Variants in BPIFA2 observed in about 807,000 individuals in gnomAD.
BPIFA2 encodes the protein BPI fold-containing family A member 2.
A neutral mutation model predicts 25.7 loss-of-function variants in BPIFA2; 20 were observed. The observed-to-expected ratio is 0.78, with a 90% CI of 0.55 to 1.13. The LOEUF (loss-of-function observed/expected upper bound fraction) is 1.13, where lower values mean the gene tolerates loss of function less well. BPIFA2 is among the 50% of genes most tolerant of loss of function. The pLI is 0.00. For missense variants in BPIFA2, 300 were observed against 298.1 expected (o/e 1.01, Z -0.05); for synonymous variants, 126 against 124.3 (o/e 1.01, Z -0.09).
chr20:33,179,307 GT>G, intron 6 of BPIFA2, among the ~76,000 whole-genome samples: 1 of 151,998 alleles, frequency 6.6e-6, no homozygotes, highest in South Asian at 2.1e-4. Context: ...GCATGTGCCT[GT>G]GAACCCAGTT....
chr20:33,180,434 G>C, intron 7 of BPIFA2, 86 bp from the exon 8 acceptor site: 1 of 1,451,142 alleles, frequency 6.9e-7, no homozygotes, highest in Non-Finnish European at 9.7e-7. Flanking sequence ...CAGGTTACCG[G>C]CTGGAGAGCG....
intron 6 of BPIFA2, among the ~76,000 whole-genome samples, chr20:33,178,840 G>C (rs991180512): frequency 3.2e-4 from 49 of 152,162 alleles, no homozygotes; most frequent in Non-Finnish European, 5.1e-4. Context: ...GCCTCAGCTG[G>C]GTGCTTGATA....
chr20:33,165,104 A>G (rs1296366134), upstream of BPIFA2, among the ~76,000 whole-genome samples: 1 of 152,246 alleles, frequency 6.6e-6, no homozygotes, highest in Non-Finnish European at 1.5e-5. Flanking sequence ...AATTACCAAA[A>G]GTTGAATTAA....
intron 2 of BPIFA2, among the ~76,000 whole-genome samples, chr20:33,170,158 ACCT>A (rs1239765866): frequency 2.0e-5 from 3 of 152,196 alleles, no homozygotes; most frequent in Non-Finnish European, 4.4e-5. Flanking sequence ...AACCAAAGTC[ACCT>A]CGTGAATTAT....
intron 7 of BPIFA2, 122 bp from the exon 8 acceptor site, chr20:33,180,398 C>A (rs1386614532): frequency 1.9e-6 from 2 of 1,036,600 alleles, no homozygotes; most frequent in Non-Finnish European, 3.0e-6. Flanking sequence ...AGAGGTGGAG[C>A]AACATCCCTG....
intron 6 of BPIFA2, 99 bp from the exon 7 acceptor site, chr20:33,179,505 C>G: frequency 1.1e-6 from 1 of 916,674 alleles, no homozygotes; most frequent in Admixed American, 1.7e-5. Flanking sequence ...TAGAAATGAG[C>G]TCATCTGTGG....
intron 4 of BPIFA2, 40 bp downstream of exon 4, chr20:33,174,226 G>A (rs773237168): frequency 1.9e-6 from 3 of 1,592,476 alleles, no homozygotes; most frequent in East Asian, 2.2e-5. Flanking sequence ...GAAAGGCAGT[G>A]CAACCTGGCC....
chr20:33,180,690 T>A, intron 8 of BPIFA2, 93 bp downstream of exon 8: 1 of 1,021,048 alleles, frequency 9.8e-7, no homozygotes, highest in Non-Finnish European at 1.5e-6. Flanking sequence ...TAGAAGACTG[T>A]GCCTTCATCT....
At chr20:33,172,047 AC>A (rs1175149359) in intron 2 of BPIFA2, among the ~76,000 whole-genome samples, 1 of 152,236 alleles carries the variant, frequency 6.6e-6, no homozygotes, top group Non-Finnish European at 1.5e-5. Flanking sequence ...ACCATGGAAT[AC>A]TATGCAGCCA....
intron 3 of BPIFA2, 68 bp downstream of exon 3, chr20:33,173,144 A>G (rs866044189): frequency 9.1e-6 from 14 of 1,546,826 alleles, no homozygotes; most frequent in Non-Finnish European, 1.2e-5. Context: ...TGAGGAGGTA[A>G]GTTTAAGATG....
At chr20:33,176,209 G>A (rs991996297) in intron 5 of BPIFA2, among the ~76,000 whole-genome samples, 4 of 152,236 alleles carry the variant, frequency 2.6e-5, no homozygotes, top group Admixed American at 1.3e-4. Flanking sequence ...AGGAGATCTT[G>A]AAAACTTAAT....
rs1791558530 is a variant in BPIFA2, at chr20:33,174,179, G to A, written c.403G>A (p.Val135Met). ...LSFPVTANVT[V>M]AGPIIGQIIN... ...CTTCCCTGTCACCGCGAATGTCACT[G>A]TGGCCGGGTGAGTATGCACTAGAAT... Residue 135 changes from valine to methionine, a missense_variant, in exon 4 of 9, where the codon GTG becomes ATG. Physicochemically the swap from Val to Met is conservative, Grantham distance 21. Coordinates refer to ENST00000354932, the MANE Select transcript of BPIFA2 (RefSeq NM_080574.4). 6.2e-7 allele frequency: 1 copy of A among 1,613,928 alleles called. No homozygotes were observed. Among genetic ancestry groups the A allele is most frequent in the South Asian group, 1.1e-5 (1 of 91,080 alleles).
upstream of BPIFA2, among the ~76,000 whole-genome samples, chr20:33,165,950 C>T (rs80038978): frequency 0.029 from 4,408 of 152,134 alleles, 188 homozygotes; most frequent in African/African-American, 0.098. Context: ...CCTCCCCACC[C>T]ACCAAGGACC....
At chr20:33,168,418 T>TG in intron 1 of BPIFA2, among the ~76,000 whole-genome samples, 1 of 152,344 alleles carries the variant, frequency 6.6e-6, no homozygotes, top group Non-Finnish European at 1.5e-5. Flanking sequence ...TTCTTACTCC[T>TG]GTTCTTCCCA....
intron 2 of BPIFA2, among the ~76,000 whole-genome samples, chr20:33,172,617 T>G (rs1414990484): frequency 6.6e-6 from 1 of 152,158 alleles, no homozygotes; most frequent in Non-Finnish European, 1.5e-5. Context: ...TAGACACTGG[T>G]GTACAATCAA....
chr20:33,175,332 A>G, intron 4 of BPIFA2, 75 bp from the exon 5 acceptor site: 5 of 1,428,304 alleles, frequency 3.5e-6, no homozygotes, highest in Non-Finnish European at 4.8e-6. Context: ...TCATGTCCAC[A>G]CAGGTGGAGG....
At chr20:33,176,034 T>C (rs1984065558) in intron 5 of BPIFA2, among the ~76,000 whole-genome samples, 1 of 152,106 alleles carries the variant, frequency 6.6e-6, no homozygotes, top group South Asian at 2.1e-4. Context: ...ATTGTCCACT[T>C]TATTGTTATG....
upstream of BPIFA2, among the ~76,000 whole-genome samples, chr20:33,166,743 A>G (rs1983738277): frequency 6.6e-6 from 1 of 152,148 alleles, no homozygotes; most frequent in Non-Finnish European, 1.5e-5. Flanking sequence ...TGCCTCTGAG[A>G]TCCAGGAACA....
At chr20:33,171,541 GA>G (rs1263362868) in intron 2 of BPIFA2, among the ~76,000 whole-genome samples, 1 of 151,860 alleles carries the variant, frequency 6.6e-6, no homozygotes, top group Non-Finnish European at 1.5e-5. Flanking sequence ...AAATTTACAA[GA>G]AAAAAACAAA....
Sources: gnomAD v4.1 joint callset for allele counts (sites outside exome capture counted in the v4.1 genomes callset) on GRCh38, gnomAD v4.1.1 for gene constraint, MANE v1.5 for transcripts, NCBI Gene and HGNC (gene_info 2026-07-23, HGNC 2026-07-21) for gene names.